Variants in CDC25A observed in about 807,000 individuals in gnomAD.
CDC25A encodes the protein M-phase inducer phosphatase 1.
A neutral mutation model predicts 64.6 loss-of-function variants in CDC25A; 17 were observed. That is an observed-to-expected ratio of 0.26 (90% CI 0.18 to 0.39). The LOEUF (loss-of-function observed/expected upper bound fraction) is 0.39. Among genes scored for constraint, CDC25A ranks in the 10% least tolerant of loss-of-function variants. The pLI is 1.00. For missense variants in CDC25A, 473 were observed against 654.8 expected, an observed-to-expected ratio of 0.72 and a Z score of 3.03; for synonymous variants, 229 against 238.6, an observed-to-expected ratio of 0.96 and a Z score of 0.37.
rs1052890702 is a variant in CDC25A at position 48,187,894 on chromosome 3, G to A, written c.54C>T (p.Ser18=). The change falls in exon 1 of 15, where the codon AGC becomes AGT. Residue 18 remains serine, a synonymous_variant. Transcript: ENST00000302506. ...CGACGGGCTGCGACGCGGGAGGGGG[G>A]CTGCAGGCGAAGAGCAGGCGGCGGC... ...PHRRRLLFAC[S]PPPASQPVVK... 4.1e-5 allele frequency: 64 copies of A among 1,544,688 alleles called. No homozygotes were observed. The highest frequency in any genetic ancestry group is 5.4e-5 in the Non-Finnish European group (62 of 1,145,336).
Position 48,165,836 on chromosome 3 carries a change from C to T in CDC25A, c.1087G>A (p.Glu363Lys). The change falls in exon 11 of 15, where the codon GAA (glutamate) becomes AAA (lysine). Residue 363 changes from glutamate to lysine, a missense_variant. Physicochemically the swap from Glu to Lys is moderately conservative, Grantham distance 56 (BLOSUM62 1). Around this residue, in one of 2 missense-constraint regions of CDC25A, gnomAD observed 97 missense variants for 223.0 expected, o/e 0.43. Coordinates refer to ENST00000302506, the MANE Select transcript of CDC25A (RefSeq NM_001789.3). Reference sequence around the variant, plus strand: ...TTTCAAAAGGATGGACTTACAATTTCTGGAGAGATGTATTTTAAATCCTGA... The same window carrying T: ...TTTCAAAAGGATGGACTTACAATTTTTGGAGAGATGTATTTTAAATCCTGA... The part of the protein sequence containing the change: ...KHQDLKYISP[E>K]IMASVLNGKF... 1 of 1,609,668 alleles carries T rather than the reference C, an allele frequency of 6.2e-7. No homozygotes were observed. The highest frequency in any genetic ancestry group is 2.2e-5 in the East Asian group (1 of 44,860).
rs537072881 is a variant in CDC25A, at chr3:48,187,702, C to T, written c.170+76G>A. On this transcript the variant is annotated intron_variant, in intron 1 of 14. Coordinates refer to ENST00000302506, the MANE Select transcript of CDC25A (RefSeq NM_001789.3). The stretch of plus-strand genomic sequence containing the variant: ...GACGGGTCTCGCCCTTCTCCCGGTC[C>T]GTTTCCTGGCCTGATCTCTCCGAGG... 6 of 1,385,124 alleles carry T rather than the reference C, an allele frequency of 4.3e-6. No individual in the cohort carries two copies. The East Asian group carries it at 1.2e-4, about 27-fold the overall frequency. The allele number at this position is 1,385,124 out of a possible 1,614,324, so 85.8% of individuals were successfully genotyped here. A position where few individuals can be genotyped will look rare whatever the true frequency, so the allele number is the denominator to read the frequency against.
At chr3:48,183,115 G>A in intron 4 of CDC25A, 85 bp from the exon 5 acceptor site, 2 of 859,184 alleles carry the variant, frequency 2.3e-6, no homozygotes, top group South Asian at 1.4e-5. Flanking sequence ...AAAAAAGGGG[G>A]GTTGAATAGG....
chr3:48,168,665 G>A (rs1285255993), intron 9 of CDC25A, among the ~76,000 whole-genome samples: 13 of 145,556 alleles, frequency 8.9e-5, no homozygotes, highest in Admixed American at 4.9e-4. Flanking sequence ...TCGCTCTGTC[G>A]CTCAGGCTGG....
chr3:48,169,915 G>A (rs756106267), intron 9 of CDC25A, among the ~76,000 whole-genome samples: 4 of 151,960 alleles, frequency 2.6e-5, no homozygotes, highest in Admixed American at 1.3e-4. Flanking sequence ...AGGCTGAGGC[G>A]GGAGAATTGC....
chr3:48,168,201 G>A (rs866382771), intron 9 of CDC25A, among the ~76,000 whole-genome samples: 17 of 129,648 alleles, frequency 1.3e-4, no homozygotes, highest in South Asian at 2.7e-4. Context: ...AAAAAAAAAA[G>A]GGGGTGCAGG....
chr3:48,166,648 C>A lies in CDC25A; in HGVS notation c.1030-755G>T, dbSNP rs373290510. 7.9e-5 allele frequency among the ~76,000 whole-genome samples: 12 copies of A among 152,346 alleles called. No individual in the cohort carries two copies. In the East Asian group the frequency reaches 1.9e-3, roughly 24 times the overall value. On this transcript the variant is annotated intron_variant, in intron 10 of 14. Transcript: ENST00000302506. ...CCAGCCTTGAGGAGGAAGATGCACA[C>A]ATTAGCAATTACTCATTAGGGTGAC...
chr3:48,167,910 G>C lies in CDC25A; in HGVS notation c.965C>G (p.Pro322Arg), dbSNP rs138476071. The C allele has an allele frequency of 1.2e-5, 20 of 1,610,074 alleles. No individual in the cohort carries two copies. Among genetic ancestry groups the C allele is most frequent in the Non-Finnish European group, 1.5e-5 (18 of 1,176,582 alleles). ...CAAAATGTTCTCAATGGTTCCTTTG[G>C]GGGAAGATGCCAGGGATAAAGACTG... is the stretch of plus-strand genomic sequence containing the variant. ...LHQSLSLASS[P>R]KGTIENILDN... The change falls in exon 10 of 15, where the codon CCC (proline) becomes CGC (arginine). Residue 322 changes from proline to arginine, a missense_variant. Transcript: ENST00000302506.
Position 48,183,825 on chromosome 3 carries a change from G to T in CDC25A, c.302C>A (p.Pro101His). Reference protein sequence around the residue: ...PLDSKENLENPMRRIHSLPQK... With the variant: ...PLDSKENLENHMRRIHSLPQK... ...AGGTAGGGAATGTATTCTTCTCATA[G>T]GATTTTCAAGGCTGTAATGAGATCA... is the stretch of plus-strand genomic sequence containing the variant. Residue 101 changes from proline to histidine, a missense_variant, in exon 4 of 15, where the codon CCT becomes CAT. This residue lies in a region of CDC25A where 376 missense variants were observed against 431.9 expected (regional missense o/e 0.87). Coordinates refer to ENST00000302506, the MANE Select transcript of CDC25A (RefSeq NM_001789.3). 1 of 1,580,974 alleles carries T rather than the reference G, an allele frequency of 6.3e-7. No individual in the cohort carries two copies. The highest frequency in any genetic ancestry group is 8.7e-7 in the Non-Finnish European group (1 of 1,150,728).
intron 10 of CDC25A, among the ~76,000 whole-genome samples, chr3:48,167,156 C>T (rs1422201322): frequency 6.6e-6 from 1 of 152,212 alleles, no homozygotes; most frequent in African/African-American, 2.4e-5. Flanking sequence ...CGTCTCACCT[C>T]TCCAACCACA....
At chr3:48,166,926 C>T (rs192413414) in intron 10 of CDC25A, among the ~76,000 whole-genome samples, 3 of 152,312 alleles carry the variant, frequency 2.0e-5, no homozygotes, top group Non-Finnish European at 4.4e-5. Flanking sequence ...CCCTGCCAAA[C>T]AAGAGAAGGT....
rs1243233635 is a variant in CDC25A, at chr3:48,159,452, G to A, written c.1326C>T (p.Cys442=). The A allele has an allele frequency of 1.9e-6, 3 of 1,611,728 alleles. No homozygotes were observed. Among genetic ancestry groups the A allele is most frequent in the African/African-American group, 1.3e-5 (1 of 74,876 alleles). The stretch of plus-strand genomic sequence containing the variant: ...GGCGATCTCTCTCTCTCACATACCG[G>A]CACCTAGTCAGGGGAAGGAAGGCCA... ...EFSSERGPRM[C]RYVRERDRLG... The change falls in exon 14 of 15, where the codon TGC becomes TGT. Residue 442 remains cysteine, a synonymous_variant. Coordinates refer to ENST00000302506, the MANE Select transcript of CDC25A (RefSeq NM_001789.3).
chr3:48,168,360 C>CCATA (rs1553768359), intron 9 of CDC25A, among the ~76,000 whole-genome samples: 1 of 106,606 alleles, frequency 9.4e-6, no homozygotes, highest in African/African-American at 3.8e-5. Context: ...AAGACCCTGT[C>CCATA]CACACACACA....
At position 48,167,894 on chromosome 3, in the gene CDC25A, C is replaced by T. The variant is rs751573758; in HGVS notation, c.981G>A (p.Glu327=). ...SLASSPKGTI[E]NILDNDPRDL... is the part of the protein sequence containing the mutation. The stretch of plus-strand genomic sequence containing the variant: ...CCCTTGGGTCATTGTCCAAAATGTT[C>T]TCAATGGTTCCTTTGGGGGAAGATG... Residue 327 remains glutamate (E), a synonymous_variant, in exon 10 of 15, where the codon GAG becomes GAA. Coordinates refer to ENST00000302506, the MANE Select transcript of CDC25A (RefSeq NM_001789.3). 1 of 1,610,940 alleles carries T rather than the reference C, an allele frequency of 6.2e-7. No homozygotes were observed. The highest frequency in any genetic ancestry group is 8.5e-7 in the Non-Finnish European group (1 of 1,177,246).
intron 8 of CDC25A, among the ~76,000 whole-genome samples, chr3:48,176,966 C>T (rs1461617325): frequency 6.7e-6 from 1 of 149,990 alleles, no homozygotes; most frequent in African/African-American, 2.5e-5. Context: ...AGCGAGACTC[C>T]GTCTCAAAAA....
Position 48,177,449 on chromosome 3 carries a change from A to G in CDC25A, c.685-7T>C. The stretch of plus-strand genomic sequence containing the variant: ...AGGGGGTCTCCTCCTCATTCTAAAG[A>G]AACAGAAAAACTGATTTTAAAAAGA... On this transcript the variant is annotated splice_polypyrimidine_tract_variant and splice_region_variant and intron_variant, in intron 7 of 14. Transcript: ENST00000302506. The G allele has an allele frequency of 6.2e-7, 1 of 1,610,122 alleles. No homozygotes were observed. Among genetic ancestry groups the G allele is most frequent in the Non-Finnish European group, 8.5e-7 (1 of 1,176,752 alleles).
At chr3:48,178,188 G>A (rs1246412580) in intron 6 of CDC25A, among the ~76,000 whole-genome samples, 200 bp from the exon 7 acceptor site, 1 of 152,172 alleles carries the variant, frequency 6.6e-6, no homozygotes, top group Admixed American at 6.5e-5. Context: ...TGAGTAGTCA[G>A]TAGCCTTTAC....
chr3:48,164,836 C>A (rs1013367389), intron 12 of CDC25A, among the ~76,000 whole-genome samples: 1 of 151,780 alleles, frequency 6.6e-6, no homozygotes, highest in Non-Finnish European at 1.5e-5. Context: ...GGCCAGGCGC[C>A]GTGGCTCATG....
chr3:48,177,799 C>A (rs2032516978), intron 7 of CDC25A, 55 bp downstream of exon 7: 1 of 1,602,340 alleles, frequency 6.2e-7, no homozygotes, highest in Non-Finnish European at 8.5e-7. Context: ...CATGCCTTCT[C>A]CAGAGGTAAT....
Sources: allele counts gnomAD v4.1 joint callset (sites outside exome capture counted in the v4.1 genomes callset), GRCh38; gene constraint gnomAD v4.1.1; regional missense constraint gnomAD v4.1.1; transcripts MANE v1.5; gene names NCBI Gene and HGNC (gene_info 2026-07-23, HGNC 2026-07-21).